The following PGAP4 variants were observed in gnomAD, a reference collection of about 807,000 sequenced individuals.
PGAP4 encodes post-GPI attachment to proteins GalNAc transferase 4.
Under a neutral mutation model 28.2 loss-of-function variants are expected in PGAP4, and 12 were observed. The ratio of observed to expected loss-of-function variants is 0.42; its 90% CI spans 0.27 to 0.69. The LOEUF (loss-of-function observed/expected upper bound fraction) is 0.69, where lower values mean the gene tolerates loss of function less well. PGAP4 is among the 30% of genes least tolerant of loss of function. The pLI, the probability that PGAP4 is intolerant of heterozygous loss-of-function variation, is 0.22. For missense variants in PGAP4, 425 were observed against 513.5 expected, an observed-to-expected ratio of 0.83 and a Z score of 1.67; for synonymous variants, 205 against 211.8, an observed-to-expected ratio of 0.97 and a Z score of 0.28.
chr9:101,511,385 G>C (rs903005570), intron 2 of PGAP4, among the ~76,000 whole-genome samples: 1 of 152,164 alleles, frequency 6.6e-6, no homozygotes, highest in Non-Finnish European at 1.5e-5. Context: ...AGCAGGGGTT[G>C]GGGATCCCTG....
At position 101,473,329 on chromosome 9, in the gene PGAP4, T is replaced by G. The variant is rs1342094034; in HGVS notation, c.*2552A>C. The stretch of plus-strand genomic sequence containing the variant: ...TTCTAGTAACCTATATCCCTTGATA[T>G]GGGAAGGATATCTTAGTTCTCCCTA... On this transcript the variant is annotated 3_prime_UTR_variant, in exon 2 of 2. Transcript: ENST00000374848. 1 of 152,220 alleles carries G rather than the reference T, an allele frequency of 6.6e-6. No individual in the cohort carries two copies. The highest frequency in any genetic ancestry group is 2.4e-5 in the African/African-American group (1 of 41,450). 9.4% of individuals were successfully genotyped at this position (152,220 alleles called of 1,614,324 possible).
At chr9:101,532,305 T>A (rs1436239968) in intron 1 of PGAP4, among the ~76,000 whole-genome samples, 4 of 151,672 alleles carry the variant, frequency 2.6e-5, no homozygotes, top group African/African-American at 9.7e-5. Context: ...AAGAAGCCAC[T>A]ACTTTGCTCT....
At chr9:101,483,930 ATC>A (rs1826550727) in intron 1 of PGAP4, among the ~76,000 whole-genome samples, 1 of 152,182 alleles carries the variant, frequency 6.6e-6, no homozygotes, top group Non-Finnish European at 1.5e-5. Flanking sequence ...TCCATAATTA[ATC>A]TCTATATTTA....
intron 1 of PGAP4, among the ~76,000 whole-genome samples, chr9:101,531,902 A>G (rs1827093617): frequency 6.6e-6 from 1 of 152,256 alleles, no homozygotes; most frequent in South Asian, 2.1e-4. Context: ...GTGCTAAGGA[A>G]CCAGTAAAGA....
chr9:101,503,408 G>T (rs1826820280), intron 2 of PGAP4, among the ~76,000 whole-genome samples: 1 of 151,468 alleles, frequency 6.6e-6, no homozygotes, highest in Non-Finnish European at 1.5e-5. Flanking sequence ...AATCCAATAT[G>T]GATTATGAAG....
At chr9:101,477,231 C>CAAACAAAG in intron 1 of PGAP4, 62 bp from the exon 2 acceptor site, 1 of 1,304,732 alleles carries the variant, frequency 7.7e-7, no homozygotes, top group Non-Finnish European at 1.0e-6. Flanking sequence ...AACAAACAAA[C>CAAACAAAG]AAAAAAACAA....
intron 2 of PGAP4, among the ~76,000 whole-genome samples, chr9:101,493,341 C>T (rs1826709369): frequency 6.6e-6 from 1 of 151,950 alleles, no homozygotes; most frequent in East Asian, 1.9e-4. Context: ...TTTTTCTCTG[C>T]CTTTTATTTG....
intron 2 of PGAP4, among the ~76,000 whole-genome samples, chr9:101,495,645 A>T (rs966545260): frequency 3.3e-5 from 5 of 149,900 alleles, no homozygotes; most frequent in African/African-American, 1.2e-4. Flanking sequence ...TATTTATTTA[A>T]CCAGAGTGAT....
chr9:101,528,410 C>A (rs939198688), intron 2 of PGAP4, among the ~76,000 whole-genome samples: 9 of 152,096 alleles, frequency 5.9e-5, no homozygotes, highest in African/African-American at 2.2e-4. Context: ...TTGACAAATG[C>A]CCTCAGCTGA....
intron 2 of PGAP4, among the ~76,000 whole-genome samples, chr9:101,494,914 GT>G: frequency 6.7e-6 from 1 of 150,374 alleles, no homozygotes; most frequent in East Asian, 1.9e-4. Context: ...TTTTCAATTA[GT>G]TACCTGAATA....
intron 1 of PGAP4, chr9:101,532,541 G>A (rs1465997833): frequency 6.6e-6 from 1 of 152,124 alleles, no homozygotes; most frequent in African/African-American, 2.4e-5. Context: ...TAGTTTTCTG[G>A]GCTAGAAAAA....
intron 2 of PGAP4, among the ~76,000 whole-genome samples, chr9:101,494,767 A>G (rs1180615777): frequency 2.0e-5 from 3 of 151,750 alleles, no homozygotes; most frequent in Non-Finnish European, 4.4e-5. Context: ...CAGAATAGCC[A>G]TGGTCAAAAT....
intron 2 of PGAP4, among the ~76,000 whole-genome samples, chr9:101,519,223 T>A (rs778808467): frequency 6.6e-6 from 1 of 152,122 alleles, no homozygotes; most frequent in Non-Finnish European, 1.5e-5. Context: ...AATGGTGCAA[T>A]CTCCGCTCAC....
chr9:101,510,435 C>A lies in PGAP4; in HGVS notation c.-165+20913G>T, dbSNP rs964267230. Among the ~76,000 whole-genome samples the A allele has an allele frequency of 4.0e-5, 6 of 151,612 alleles. No individual in the cohort carries two copies. The South Asian group carries it at 1.3e-3, about 32-fold the overall frequency. On this transcript the variant is annotated intron_variant, in intron 2 of 3. Transcript: ENST00000374851. ...GAGGCTTACCTTTTAATGCAGGGTGCTTTGTCTCTATGTGGTGAAGCAGTT... is the reference window on the plus strand; with the variant it reads ...GAGGCTTACCTTTTAATGCAGGGTGATTTGTCTCTATGTGGTGAAGCAGTT...
intron 2 of PGAP4, among the ~76,000 whole-genome samples, chr9:101,499,679 G>A (rs1826781024): frequency 6.6e-6 from 1 of 152,156 alleles, no homozygotes; most frequent in South Asian, 2.1e-4. Flanking sequence ...GTGCAAAGTT[G>A]TGATTTTTGT....
intron 2 of PGAP4, among the ~76,000 whole-genome samples, chr9:101,530,292 A>C (rs1400183914): frequency 6.6e-6 from 1 of 152,218 alleles, no homozygotes; most frequent in African/African-American, 2.4e-5. Flanking sequence ...GTGTCGCCTT[A>C]TGCCACCTTG....
At chr9:101,481,161 G>C (rs1223773775) in intron 1 of PGAP4, among the ~76,000 whole-genome samples, 1 of 152,176 alleles carries the variant, frequency 6.6e-6, no homozygotes, top group Non-Finnish European at 1.5e-5. Context: ...CTGGTTGACA[G>C]AGAAAAACCC....
chr9:101,519,783 GA>G (rs1826972976), intron 2 of PGAP4, among the ~76,000 whole-genome samples: 2 of 151,954 alleles, frequency 1.3e-5, no homozygotes, highest in Non-Finnish European at 2.9e-5. Flanking sequence ...TCTTGGTCAT[GA>G]AATCCTTCCT....
chr9:101,520,563 ATGT>A (rs1292956329), intron 2 of PGAP4, among the ~76,000 whole-genome samples: 1 of 152,150 alleles, frequency 6.6e-6, no homozygotes, highest in African/African-American at 2.4e-5. Flanking sequence ...GTGTACATTA[ATGT>A]TGTATCCAGA....
Sources: allele counts gnomAD v4.1 joint callset (sites outside exome capture counted in the v4.1 genomes callset), GRCh38; gene constraint gnomAD v4.1.1; transcripts MANE v1.5; gene names NCBI Gene and HGNC (gene_info 2026-07-23, HGNC 2026-07-21).